PAPPA2: variants seen among roughly 807,000 people sequenced by gnomAD.
The protein encoded by PAPPA2 is pappalysin-2.
Under a neutral mutation model 176.4 loss-of-function variants are expected in PAPPA2, and 86 were observed. The observed-to-expected ratio is 0.49, with a 90% CI of 0.41 to 0.58. The LOEUF is 0.58. PAPPA2 is among the 20% of genes least tolerant of loss of function. The probability of loss-of-function intolerance (pLI) is 0.00; values close to 1 mark genes in which losing one functional copy is unlikely to be tolerated. For synonymous variants in PAPPA2, 809 were observed against 852.2 expected (o/e 0.95, Z 0.88); for missense variants, 2,073 against 2,256.9 (o/e 0.92, Z 1.65).
intron 12 of PAPPA2, among the ~76,000 whole-genome samples, chr1:176,715,717 C>T (rs923273537): frequency 2.3e-4 from 35 of 152,090 alleles, no homozygotes; most frequent in Non-Finnish European, 3.8e-4. Context: ...TGAGCAATGA[C>T]GTTGATTCTG....
At chr1:176,564,245 A>G (rs1651830897) in intron 2 of PAPPA2, among the ~76,000 whole-genome samples, 1 of 152,172 alleles carries the variant, frequency 6.6e-6, no homozygotes, top group Admixed American at 6.5e-5. Context: ...CCATAATTCA[A>G]GTTGCAAGAC....
At position 176,844,208 on chromosome 1, in the gene PAPPA2, A is replaced by C. The variant is rs997754514; in HGVS notation, c.*1754A>C. The C allele has an allele frequency of 6.6e-6, 1 of 152,142 alleles. No homozygotes were observed. Among genetic ancestry groups the C allele is most frequent in the Non-Finnish European group, 1.5e-5 (1 of 68,010 alleles). The allele number at this position is 152,142 out of a possible 1,614,324, so 9.4% of individuals were successfully genotyped here. On this transcript the variant is annotated 3_prime_UTR_variant, in exon 23 of 23. Coordinates refer to ENST00000367662, the MANE Select transcript of PAPPA2 (RefSeq NM_020318.3). ...CTTTAAAGTTTCTTCTCCAATGGAA[A>C]CCAAGAACAGACAAAATTTAGAGCT...
At chr1:176,603,438 G>A (rs12061315) in intron 3 of PAPPA2, among the ~76,000 whole-genome samples, 24,237 of 152,036 alleles carry the variant, frequency 0.16, 2,064 homozygotes, top group Middle Eastern at 0.23. Flanking sequence ...GGTAGTGGGC[G>A]GGACATGTAG....
intron 21 of PAPPA2, among the ~76,000 whole-genome samples, chr1:176,806,349 T>G (rs1307118876): frequency 1.3e-5 from 2 of 152,230 alleles, no homozygotes; most frequent in African/African-American, 2.4e-5. Flanking sequence ...AATTCTTCAG[T>G]GACACCTGCT....
chr1:176,639,621 C>G (rs1176938472), intron 3 of PAPPA2, among the ~76,000 whole-genome samples: 3 of 151,994 alleles, frequency 2.0e-5, no homozygotes, highest in Admixed American at 2.0e-4. Context: ...TGAGTCTAGA[C>G]CAGTTTGTAA....
intron 3 of PAPPA2, among the ~76,000 whole-genome samples, chr1:176,645,168 C>G (rs1284168240): frequency 1.3e-5 from 2 of 151,720 alleles, no homozygotes; most frequent in African/African-American, 4.8e-5. Context: ...CTCTACTGAT[C>G]TTTCAAACAC....
At chr1:176,638,557 C>T (rs1016039727) in intron 3 of PAPPA2, among the ~76,000 whole-genome samples, 2 of 151,950 alleles carry the variant, frequency 1.3e-5, no homozygotes, top group African/African-American at 4.8e-5. Flanking sequence ...TTAGGGAAAC[C>T]GAATTGCACA....
At chr1:176,584,906 G>C (rs1390188483) in intron 2 of PAPPA2, among the ~76,000 whole-genome samples, 3 of 151,882 alleles carry the variant, frequency 2.0e-5, no homozygotes, top group African/African-American at 7.3e-5. Context: ...GCTAATTTTT[G>C]TATTTTGTAT....
intron 17 of PAPPA2, among the ~76,000 whole-genome samples, chr1:176,778,303 A>G (rs1043036828): frequency 2.0e-5 from 3 of 152,130 alleles, no homozygotes; most frequent in Non-Finnish European, 4.4e-5. Flanking sequence ...AAAATAGGGG[A>G]AAGAGGGGGA....
intron 12 of PAPPA2, among the ~76,000 whole-genome samples, chr1:176,718,427 T>G (rs921581035): frequency 6.6e-6 from 1 of 152,116 alleles, no homozygotes; most frequent in Admixed American, 6.5e-5. Context: ...TTAATTCCTT[T>G]ATGTTTGCAT....
intron 2 of PAPPA2, among the ~76,000 whole-genome samples, chr1:176,559,798 A>T (rs1211742331): frequency 6.6e-6 from 1 of 152,202 alleles, no homozygotes; most frequent in East Asian, 1.9e-4. Context: ...CTTGGCCCCT[A>T]CACTTTTTTC....
intron 12 of PAPPA2, among the ~76,000 whole-genome samples, chr1:176,731,135 C>A (rs146283779): frequency 5.3e-5 from 8 of 151,956 alleles, no homozygotes; most frequent in African/African-American, 1.9e-4. Flanking sequence ...CCACAAGATC[C>A]TTTTCTCTAT....
Position 176,556,678 on chromosome 1 carries a change from G to A in PAPPA2, c.356G>A (p.Arg119Lys). 6.2e-7 allele frequency: 1 copy of A among 1,614,184 alleles called. No individual in the cohort carries two copies. Among genetic ancestry groups the A allele is most frequent in the African/African-American group, 1.3e-5 (1 of 75,060 alleles). Reference sequence around the variant, plus strand: ...CTGACTGAAAATCCAGCAGGACTGAGGGGTGCAGTTGAAGAGCCGGCTGCC... The same window carrying A: ...CTGACTGAAAATCCAGCAGGACTGAAGGGTGCAGTTGAAGAGCCGGCTGCC... ...PDLTENPAGLRGAVEEPAAPW... is the reference protein window; with the variant it reads ...PDLTENPAGLKGAVEEPAAPW... The change falls in exon 2 of 23, where the codon AGG becomes AAG. Residue 119 changes from arginine (R) to lysine (K), a missense_variant. Arg to Lys is a conservative substitution (Grantham distance 26, BLOSUM62 2). Around this residue, in one of 4 missense-constraint regions of PAPPA2, gnomAD observed 1,196 missense variants for 1,330.4 expected, o/e 0.90. Transcript: ENST00000367662.
intron 1 of PAPPA2, among the ~76,000 whole-genome samples, chr1:176,512,824 CA>C (rs1463116629): frequency 6.6e-6 from 1 of 152,110 alleles, no homozygotes; most frequent in Non-Finnish European, 1.5e-5. Context: ...GAGCCCTTTA[CA>C]TTTCAGCCTG....
At chr1:176,554,613 T>C (rs959874687) in intron 1 of PAPPA2, among the ~76,000 whole-genome samples, 16 of 152,256 alleles carry the variant, frequency 1.1e-4, no homozygotes, top group Admixed American at 9.8e-4. Flanking sequence ...TCCTTGGGTC[T>C]AGCTGTTCAT....
At chr1:176,466,222 T>C (rs181422970) in intron 1 of PAPPA2, among the ~76,000 whole-genome samples, 1 of 152,288 alleles carries the variant, frequency 6.6e-6, no homozygotes, top group Admixed American at 6.5e-5. Flanking sequence ...GAAAATGAAA[T>C]TCCTGTAATT....
At chr1:176,600,399 G>A (rs544456788) in intron 3 of PAPPA2, among the ~76,000 whole-genome samples, 4 of 152,004 alleles carry the variant, frequency 2.6e-5, no homozygotes, top group Admixed American at 6.6e-5. Context: ...GAGCTCGGCC[G>A]GGCGCGGTGG....
intron 17 of PAPPA2, among the ~76,000 whole-genome samples, chr1:176,789,259 G>A (rs1401307895): frequency 6.6e-6 from 1 of 152,198 alleles, no homozygotes; most frequent in Non-Finnish European, 1.5e-5. Flanking sequence ...GCAGGGGCAT[G>A]GATGAAGCTG....
chr1:176,816,385 A>G (rs905161882), intron 21 of PAPPA2, among the ~76,000 whole-genome samples: 4 of 149,926 alleles, frequency 2.7e-5, no homozygotes, highest in Admixed American at 1.3e-4. Flanking sequence ...ACGCACACAC[A>G]CACACACACA....
Sources: allele counts gnomAD v4.1 joint callset (sites outside exome capture counted in the v4.1 genomes callset), GRCh38; gene constraint gnomAD v4.1.1; regional missense constraint gnomAD v4.1.1; transcripts MANE v1.5; gene names NCBI Gene and HGNC (gene_info 2026-07-23, HGNC 2026-07-21).